Variants in BFSP1 observed in about 807,000 individuals in gnomAD.
The protein encoded by BFSP1 is filensin.
In BFSP1, 38 loss-of-function variants were observed where a neutral mutation model predicts 43.9. That is an observed-to-expected ratio of 0.87 (90% confidence interval 0.67 to 1.14). BFSP1 has a LOEUF of 1.14. Among genes scored for constraint, BFSP1 ranks in the 50% most tolerant of loss-of-function variants. BFSP1 has a pLI of 0.00. For synonymous variants in BFSP1, 352 were observed against 354.8 expected (o/e 0.99, Z 0.09); for missense variants, 850 against 875.1 (o/e 0.97, Z 0.36).
intron 1 of BFSP1, among the ~76,000 whole-genome samples, chr20:17,542,327 T>A (rs2034731465): frequency 6.6e-6 from 1 of 151,604 alleles, no homozygotes; most frequent in South Asian, 2.1e-4. Flanking sequence ...TTGTGGCTCA[T>A]GCCTGTAATC....
At chr20:17,509,618 G>T (rs1568689218) in intron 4 of BFSP1, among the ~76,000 whole-genome samples, 1 of 152,112 alleles carries the variant, frequency 6.6e-6, no homozygotes, top group African/African-American at 2.4e-5. Flanking sequence ...CAAAGCCTCT[G>T]TTTTCCCTTC....
intron 1 of BFSP1, among the ~76,000 whole-genome samples, chr20:17,553,478 C>T (rs371903378): frequency 1.3e-5 from 2 of 152,100 alleles, no homozygotes; most frequent in East Asian, 1.9e-4. Flanking sequence ...AAGTGACATT[C>T]GAAAAATTCA....
chr20:17,501,807 G>A (rs57004524), intron 5 of BFSP1, among the ~76,000 whole-genome samples: 5,159 of 152,238 alleles, frequency 0.034, 298 homozygotes, highest in African/African-American at 0.12. Flanking sequence ...ATAGGACCAG[G>A]GGTGGGCCTG....
chr20:17,494,207 ACTGT>A lies in BFSP1; in HGVS notation c.1861_1864del (p.Thr621TrpfsTer23). 1 of 1,613,930 alleles carries A rather than the reference ACTGT, an allele frequency of 6.2e-7. No homozygotes were observed. Among genetic ancestry groups the A allele is most frequent in the Non-Finnish European group, 8.5e-7 (1 of 1,179,980 alleles). ...CTTCTCGATAGATTCCACCACTTCC[ACTGT>A]CTTATAGGCCAAAGCCTTGGGAGGG... On this transcript the variant is annotated frameshift_variant, in exon 8 of 8. Coordinates refer to ENST00000377873, the MANE Select transcript of BFSP1 (RefSeq NM_001195.5). LOFTEE classifies it high-confidence loss of function.
In BFSP1 at chr20:17,493,990, C is replaced by T. The variant is rs2033557032; in HGVS notation, c.*84G>A. On this transcript the variant is annotated 3_prime_UTR_variant, in exon 8 of 8. Coordinates refer to ENST00000377873, the MANE Select transcript of BFSP1 (RefSeq NM_001195.5). ...GGTCTAATCCAAACAGGAACCCTCA[C>T]CCTTTTATCATTTGCTCTAAAATAT... 1.5e-6 allele frequency: 2 copies of T among 1,290,496 alleles called. No homozygotes were observed. The highest frequency in any genetic ancestry group is 2.9e-5 in the South Asian group (2 of 69,208). The allele number at this position is 1,290,496 out of a possible 1,614,324, so 79.9% of individuals were successfully genotyped here. A position where few individuals can be genotyped will look rare whatever the true frequency, so the allele number is the denominator to read the frequency against.
intron 2 of BFSP1, among the ~76,000 whole-genome samples, chr20:17,520,210 G>GCCCCCCCCCCCCCCCCCCCCCCCC (rs138070825): frequency 7.5e-5 from 10 of 133,354 alleles, no homozygotes; most frequent in East Asian, 2.1e-4. Flanking sequence ...GTTTTAACGT[G>GCCCCCCCCCCCCCCCCCCCCCCCC]CCCCCCCACC....
intron 2 of BFSP1, among the ~76,000 whole-genome samples, chr20:17,523,549 A>G (rs1390078900): frequency 2.6e-5 from 4 of 151,682 alleles, no homozygotes; most frequent in East Asian, 1.9e-4. Context: ...CAGATGTCCA[A>G]CAGGCTCGAG....
chr20:17,547,099 C>G (rs2034814564), intron 1 of BFSP1, among the ~76,000 whole-genome samples: 1 of 149,958 alleles, frequency 6.7e-6, no homozygotes, highest in African/African-American at 2.5e-5. Context: ...TTTCCAGTAA[C>G]AGAGGCAGGA....
rs769366351 is a variant in BFSP1 at position 17,514,854 on chromosome 20, A to G, written c.439-38T>C. 2.5e-5 allele frequency: 40 copies of G among 1,592,188 alleles called. No individual in the cohort carries two copies. In the East Asian group the frequency reaches 8.5e-4, roughly 34 times the overall value. ...CCACATATCCCTGGCCACAGGCACC[A>G]TGGAGCATAGGGGTAAAGCTGGCCG... On this transcript the variant is annotated intron_variant, in intron 2 of 7. Transcript: ENST00000377873.
chr20:17,528,609 C>A (rs527361548), intron 1 of BFSP1, among the ~76,000 whole-genome samples: 5 of 152,292 alleles, frequency 3.3e-5, no homozygotes, highest in Admixed American at 2.6e-4. Flanking sequence ...CCCGAAAGAG[C>A]ATAGGCCCAG....
chr20:17,515,967 A>G (rs1011391181), intron 2 of BFSP1, among the ~76,000 whole-genome samples: 2 of 152,218 alleles, frequency 1.3e-5, no homozygotes, highest in African/African-American at 2.4e-5. Context: ...CATGAGATGT[A>G]GGGACACTCC....
At chr20:17,505,730 T>C (rs116893488) in intron 5 of BFSP1, among the ~76,000 whole-genome samples, 3,554 of 152,288 alleles carry the variant, frequency 0.023, 89 homozygotes, top group East Asian at 0.12. Flanking sequence ...GGACCCGCCC[T>C]TACCCTGTGG....
intron 1 of BFSP1, among the ~76,000 whole-genome samples, chr20:17,555,571 T>G (rs915371873): frequency 3.9e-5 from 6 of 152,080 alleles, no homozygotes; most frequent in Non-Finnish European, 7.3e-5. Flanking sequence ...GAGAATCGCT[T>G]GAACCCGGGA....
At chr20:17,547,672 G>A (rs2034825354) in intron 1 of BFSP1, among the ~76,000 whole-genome samples, 1 of 151,952 alleles carries the variant, frequency 6.6e-6, no homozygotes, top group South Asian at 2.1e-4. Flanking sequence ...CCAGCCTCCT[G>A]CTGTCTAAAA....
intron 1 of BFSP1, among the ~76,000 whole-genome samples, chr20:17,528,760 A>G (rs2034472925): frequency 6.6e-6 from 1 of 152,230 alleles, no homozygotes. Flanking sequence ...ACCCCAAGAC[A>G]AAAGAGCTGA....
At chr20:17,551,401 C>T (rs376274033) in intron 1 of BFSP1, among the ~76,000 whole-genome samples, 15 of 152,036 alleles carry the variant, frequency 9.9e-5, no homozygotes, top group African/African-American at 3.4e-4. Flanking sequence ...AGGGAGAAGG[C>T]GCTAAGCCGT....
At chr20:17,516,307 A>T (rs1049199205) in intron 2 of BFSP1, among the ~76,000 whole-genome samples, 1 of 152,208 alleles carries the variant, frequency 6.6e-6, no homozygotes, top group African/African-American at 2.4e-5. Flanking sequence ...AGTCTGGGCA[A>T]AAAGAGCAAA....
At chr20:17,559,211 G>C (rs113780713), upstream of BFSP1, among the ~76,000 whole-genome samples, 65 of 152,202 alleles carry the variant, frequency 4.3e-4, no homozygotes, top group African/African-American at 1.5e-3. Context: ...GAAAACTACA[G>C]CAATTTATTG....
At chr20:17,510,645 A>G (rs2284920) in intron 4 of BFSP1, among the ~76,000 whole-genome samples, 27,232 of 152,176 alleles carry the variant, frequency 0.18, 2,591 homozygotes, top group Middle Eastern at 0.25. Flanking sequence ...TTTGTATAAA[A>G]TAATTAAGAC....
Sources: gnomAD v4.1 joint callset for allele counts (sites outside exome capture counted in the v4.1 genomes callset) on GRCh38, gnomAD v4.1.1 for gene constraint, MANE v1.5 for transcripts, NCBI Gene and HGNC (gene_info 2026-07-23, HGNC 2026-07-21) for gene names.